EXOC6B: variants seen among roughly 807,000 people sequenced by gnomAD.
EXOC6B encodes the protein SEC15 homolog B.
Under a neutral mutation model 113.5 loss-of-function variants are expected in EXOC6B, and 54 were observed. The observed-to-expected ratio is 0.48, with a 90% confidence interval of 0.38 to 0.60. EXOC6B has a LOEUF of 0.60. Ranked by LOEUF, EXOC6B falls within the 20% of genes least tolerant of loss-of-function variation. The pLI, the probability that EXOC6B is intolerant of heterozygous loss-of-function variation, is 0.00. For missense variants in EXOC6B, 797 were observed against 977.5 expected (o/e 0.82, Z 2.46); for synonymous variants, 357 against 339.0 (o/e 1.05, Z -0.58).
intron 6 of EXOC6B, among the ~76,000 whole-genome samples, chr2:72,611,362 A>C (rs557560890): frequency 2.6e-5 from 4 of 152,096 alleles, no homozygotes; most frequent in Admixed American, 6.5e-5. Context: ...TCTCAAAAAA[A>C]AAAACAAAAA....
chr2:72,187,528 C>A (rs534743600), intron 20 of EXOC6B, among the ~76,000 whole-genome samples: 1 of 151,996 alleles, frequency 6.6e-6, no homozygotes, highest in Non-Finnish European at 1.5e-5. Flanking sequence ...CAGGGTGTCC[C>A]GGCAAGTATT....
intron 6 of EXOC6B, among the ~76,000 whole-genome samples, chr2:72,674,359 T>A (rs1676126662): frequency 6.6e-6 from 1 of 152,204 alleles, no homozygotes; most frequent in Non-Finnish European, 1.5e-5. Flanking sequence ...ACACTCCCCA[T>A]CTTCTTATAG....
intron 1 of EXOC6B, among the ~76,000 whole-genome samples, chr2:72,811,531 T>G (rs1179687093): frequency 6.6e-6 from 1 of 152,124 alleles, no homozygotes; most frequent in African/African-American, 2.4e-5. Context: ...TTCCAGAAAA[T>G]AGATGAGGAG....
chr2:72,740,512 A>G (rs1015584170), intron 2 of EXOC6B, among the ~76,000 whole-genome samples: 14 of 152,316 alleles, frequency 9.2e-5, no homozygotes, highest in African/African-American at 3.1e-4. Context: ...GCCAGGGACC[A>G]GACAAATGTG....
At chr2:72,404,943 G>T (rs1229240293) in intron 18 of EXOC6B, among the ~76,000 whole-genome samples, 1 of 151,990 alleles carries the variant, frequency 6.6e-6, no homozygotes, top group Admixed American at 6.6e-5. Context: ...CCATGGCAAA[G>T]AAGTTAAAAA....
chr2:72,186,768 CTAA>C (rs1013216457), intron 20 of EXOC6B, among the ~76,000 whole-genome samples: 1 of 152,158 alleles, frequency 6.6e-6, no homozygotes, highest in African/African-American at 2.4e-5. Context: ...AGATTTATTG[CTAA>C]TACTACCATG....
rs372964134 is a variant in EXOC6B, at chr2:72,524,150, TAA to T, written c.916-9026_916-9025del. 3.8e-3 allele frequency among the ~76,000 whole-genome samples: 441 copies of T among 116,726 alleles called. 2 individuals carry two copies. Among genetic ancestry groups the T allele is most frequent in the African/African-American group, 0.012 (381 of 33,084 alleles). The allele number at this position is 116,726 out of a possible 152,430, so 76.6% of individuals were successfully genotyped here. A position where few individuals can be genotyped will look rare whatever the true frequency, so the allele number is the denominator to read the frequency against. On this transcript the variant is annotated intron_variant, in intron 8 of 21. Transcript: ENST00000272427. ...AGTGAAGACAGGTTTATACAGAGTT[TAA>T]AAAAAAAAAAAAAAAAAAACTGAAA...
intron 20 of EXOC6B, among the ~76,000 whole-genome samples, chr2:72,293,415 C>A (rs1269360858): frequency 6.6e-6 from 1 of 152,074 alleles, no homozygotes; most frequent in Non-Finnish European, 1.5e-5. Context: ...TCCATTTATC[C>A]TACTGGTTAA....
chr2:72,369,015 G>A (rs971764354), intron 19 of EXOC6B, among the ~76,000 whole-genome samples: 29 of 152,104 alleles, frequency 1.9e-4, no homozygotes, highest in African/African-American at 7.0e-4. Flanking sequence ...TTCTGGCCAG[G>A]GCAGTTAGGC....
intron 18 of EXOC6B, among the ~76,000 whole-genome samples, chr2:72,403,355 A>G (rs963338202): frequency 2.6e-5 from 4 of 152,194 alleles, no homozygotes; most frequent in African/African-American, 9.6e-5. Flanking sequence ...GTGGCTCTAA[A>G]TAAGTCAGAA....
rs1558547624 is a variant in EXOC6B, at chr2:72,313,176, AACAAC to A, written c.2196+21766_2196+21770del. On this transcript the variant is annotated intron_variant, in intron 20 of 21. Coordinates refer to ENST00000272427, the MANE Select transcript of EXOC6B (RefSeq NM_015189.3). ...GGTAACACATGGATACACAGAGAGG[AACAAC>A]ACAGAGAGGAACAACACAGATTGGG... Among the ~76,000 whole-genome samples, 4 of 75,896 alleles carry A rather than the reference AACAAC, an allele frequency of 5.3e-5. No homozygotes were observed. The African/African-American group carries it at 2.3e-3, about 43-fold the overall frequency. The allele number at this position is 75,896 out of a possible 152,430, so 49.8% of individuals were successfully genotyped here. A position where few individuals can be genotyped will look rare whatever the true frequency, so the allele number is the denominator to read the frequency against.
chr2:72,226,757 C>A (rs1681267303), intron 20 of EXOC6B, among the ~76,000 whole-genome samples: 1 of 152,206 alleles, frequency 6.6e-6, no homozygotes, highest in Non-Finnish European at 1.5e-5. Context: ...TATGAAGGGA[C>A]TAACTTCGCT....
At chr2:72,614,411 G>A (rs1258653131) in intron 6 of EXOC6B, among the ~76,000 whole-genome samples, 2 of 152,048 alleles carry the variant, frequency 1.3e-5, no homozygotes, top group Non-Finnish European at 2.9e-5. Flanking sequence ...TGAACAGCCT[G>A]TATATGGATC....
At chr2:72,383,981 A>G (rs1691843224) in intron 18 of EXOC6B, among the ~76,000 whole-genome samples, 1 of 152,062 alleles carries the variant, frequency 6.6e-6, no homozygotes, top group African/African-American at 2.4e-5. Context: ...GGAATAACAG[A>G]TGCTAGGGCC....
At chr2:72,705,615 G>A (rs148983768) in intron 6 of EXOC6B, among the ~76,000 whole-genome samples, 5 of 151,698 alleles carry the variant, frequency 3.3e-5, no homozygotes, top group East Asian at 1.9e-4. Context: ...ACACACACAC[G>A]TGCAAGTAAG....
intron 6 of EXOC6B, among the ~76,000 whole-genome samples, chr2:72,671,795 G>GAAAGAAAGAA (rs1553464092): frequency 2.0e-4 from 23 of 114,338 alleles, no homozygotes; most frequent in Admixed American, 6.3e-4. Context: ...AAGAAAGAAA[G>GAAAGAAAGAA]AAAGAAAGAA....
intron 20 of EXOC6B, among the ~76,000 whole-genome samples, chr2:72,273,661 A>T (rs941804907): frequency 6.6e-6 from 1 of 152,140 alleles, no homozygotes. Flanking sequence ...GGGGAACAGC[A>T]ACACATTTGA....
chr2:72,605,081 A>C (rs552513844), intron 6 of EXOC6B, among the ~76,000 whole-genome samples: 5 of 152,092 alleles, frequency 3.3e-5, no homozygotes, highest in Non-Finnish European at 7.4e-5. Flanking sequence ...TCGGGAGTTC[A>C]AGATCAGCCT....
chr2:72,337,454 T>C (rs1006201570), intron 19 of EXOC6B, among the ~76,000 whole-genome samples: 3 of 152,200 alleles, frequency 2.0e-5, no homozygotes, highest in African/African-American at 7.2e-5. Flanking sequence ...ATCACCCACC[T>C]GAATGCTTGG....
Sources: allele counts gnomAD v4.1 joint callset (sites outside exome capture counted in the v4.1 genomes callset), GRCh38; gene constraint gnomAD v4.1.1; transcripts MANE v1.5; gene names NCBI Gene and HGNC (gene_info 2026-07-23, HGNC 2026-07-21).